Variants in FGF13 observed in about 807,000 individuals in gnomAD.
FGF13 encodes fibroblast growth factor homologous factor 2.
FGF13 carries 2 observed loss-of-function variants against 19.5 expected under a neutral mutation model. The ratio of observed to expected loss-of-function variants is 0.10; its 90% CI spans 0.04 to 0.32. FGF13 has a LOEUF of 0.32. Ranked by LOEUF, FGF13 falls within the 10% of genes least tolerant of loss-of-function variation. The pLI, the probability that FGF13 is intolerant of heterozygous loss-of-function variation, is 1.00. For synonymous variants in FGF13, 72 were observed against 76.9 expected (o/e 0.94, Z 0.33); for missense variants, 113 against 192.7 (o/e 0.59, Z 2.45).
At chrX:138,955,267 A>C (rs1167548596) in intron 1 of FGF13, among the ~76,000 whole-genome samples, 1 of 112,910 alleles carries the variant, frequency 8.9e-6, no homozygotes, top group Non-Finnish European at 1.9e-5. Context: ...CATGTTTCAC[A>C]CAACAGTTAT....
At position 138,622,163 on chromosome X, in the gene FGF13, T is replaced by C. The variant is rs765029256; in HGVS notation, c.*10687A>G. The C allele has an allele frequency of 9.1e-6, 1 of 110,272 alleles. No individual in the cohort carries two copies. The highest frequency in any genetic ancestry group is 2.9e-4 in the East Asian group (1 of 3,484). The allele number at this position is 110,272 out of a possible 1,213,427, so 9.1% of individuals were successfully genotyped here. On this transcript the variant is annotated 3_prime_UTR_variant, in exon 5 of 5. Coordinates refer to ENST00000315930, the MANE Select transcript of FGF13 (RefSeq NM_004114.5). ...AGGACACTACAAGAAAAAAAAGGAA[T>C]ACAGTCCCAAATCCCTGTTGAACAT...
chrX:138,959,766 T>TATTA (rs1310377306), intron 1 of FGF13, among the ~76,000 whole-genome samples: 1 of 111,480 alleles, frequency 9.0e-6, no homozygotes, highest in Non-Finnish European at 1.9e-5. Context: ...ATCCCTTTAC[T>TATTA]ATTATGTAAT....
At chrX:139,131,321 T>A (rs1473614376) in intron 1 of FGF13, among the ~76,000 whole-genome samples, 1 of 111,198 alleles carries the variant, frequency 9.0e-6, no homozygotes, top group Non-Finnish European at 1.9e-5. Context: ...TTAGATCAGC[T>A]GTAAACTGGT....
upstream of FGF13, chrX:139,204,217 G>T (rs987772702): frequency 1.3e-5 from 9 of 715,556 alleles, no homozygotes; most frequent in Middle Eastern, 3.0e-4. Flanking sequence ...AGCTCCCCTC[G>T]GTGTGGTTCG....
At chrX:138,845,220 C>T (rs1197897676) in intron 3 of FGF13, among the ~76,000 whole-genome samples, 5 of 111,585 alleles carry the variant, frequency 4.5e-5, no homozygotes, top group African/African-American at 1.3e-4. Context: ...AGTTCTAAGT[C>T]TGCTTTCCTG....
intron 3 of FGF13, among the ~76,000 whole-genome samples, chrX:138,671,773 T>C (rs1403907735): frequency 2.0e-5 from 2 of 99,610 alleles, no homozygotes; most frequent in African/African-American, 7.6e-5. Context: ...ACATTTAACA[T>C]ATTTAACATG....
intron 3 of FGF13, among the ~76,000 whole-genome samples, chrX:138,684,413 A>G (rs1261612060): frequency 9.0e-6 from 1 of 111,661 alleles, no homozygotes; most frequent in East Asian, 2.8e-4. Flanking sequence ...TATGTGAAAG[A>G]GAAAAATCAC....
intron 1 of FGF13, among the ~76,000 whole-genome samples, chrX:138,959,078 T>C (rs1441590729): frequency 8.9e-6 from 1 of 111,899 alleles, no homozygotes; most frequent in African/African-American, 3.3e-5. Context: ...TAAATGTGTT[T>C]GCTCTTGCTT....
rs1488046944 is a variant in FGF13 at position 138,958,740 on chromosome X, T to C, written c.-112-94090A>G. Among the ~76,000 whole-genome samples the C allele has an allele frequency of 8.1e-5, 9 of 111,749 alleles. No homozygotes were observed. The East Asian group carries it at 1.4e-3, about 18-fold the overall frequency. On this transcript the variant is annotated intron_variant, in intron 1 of 2. Transcript: ENST00000421460. The stretch of plus-strand genomic sequence containing the variant: ...TTCAAGGATTCAACTTCTTCCTGGT[T>C]TAGTCTTGGGAGGGTGTATGTGTCC...
intron 1 of FGF13, among the ~76,000 whole-genome samples, chrX:139,038,114 G>C (rs774080473): frequency 2.9e-4 from 32 of 110,857 alleles, no homozygotes; most frequent in Admixed American, 2.5e-3. Flanking sequence ...TAGCAGTTAT[G>C]TTCCTCTACC....
At chrX:138,685,050 A>G (rs1171799118) in intron 3 of FGF13, among the ~76,000 whole-genome samples, 1 of 112,074 alleles carries the variant, frequency 8.9e-6, no homozygotes, top group Non-Finnish European at 1.9e-5. Context: ...CGAAACTTCA[A>G]TTAAAAGCAG....
intron 2 of FGF13, among the ~76,000 whole-genome samples, chrX:138,704,475 A>G (rs1211616636): frequency 1.8e-5 from 2 of 112,809 alleles, no homozygotes; most frequent in Non-Finnish European, 3.7e-5. Context: ...TATTGAGGAT[A>G]ATAAATCAGT....
intron 1 of FGF13, among the ~76,000 whole-genome samples, chrX:138,938,626 C>A (rs1041797291): frequency 9.0e-6 from 1 of 111,220 alleles, no homozygotes; most frequent in Non-Finnish European, 1.9e-5. Context: ...ATAGTCTCAC[C>A]CATGCCCCCA....
At chrX:138,882,464 CAAAT>C (rs1185666167) in intron 1 of FGF13, among the ~76,000 whole-genome samples, 5 of 111,903 alleles carry the variant, frequency 4.5e-5, no homozygotes, top group Non-Finnish European at 9.4e-5. Flanking sequence ...AGGTTGGAAT[CAAAT>C]AACTTTCTCA....
At chrX:138,733,816 G>A (rs1255263075) in intron 1 of FGF13, among the ~76,000 whole-genome samples, 1 of 110,282 alleles carries the variant, frequency 9.1e-6, no homozygotes, top group African/African-American at 3.3e-5. Context: ...ATGAAGAGGA[G>A]CCAAGAGACT....
Position 138,708,915 on chromosome X carries a change from C to T in FGF13, c.201G>A (p.Lys67=), listed in dbSNP as rs766624454. 13 of 1,180,479 alleles carry T rather than the reference C, an allele frequency of 1.1e-5. No individual in the cohort carries two copies. The South Asian group carries it at 1.5e-4, about 13-fold the overall frequency. ...GGCTGTATAGCTTGGTAACTATACC[C>T]TTAAGCTGAGGCTCTGCAAAGAGAA... ...RRRRRPEPQL[K]GIVTKLYSRQ... The change falls in exon 2 of 5, where the codon AAG becomes AAA. Residue 67 remains lysine, a synonymous_variant. Coordinates refer to ENST00000315930, the MANE Select transcript of FGF13 (RefSeq NM_004114.5).
intron 1 of FGF13, among the ~76,000 whole-genome samples, chrX:138,961,329 A>G (rs1262870817): frequency 1.8e-5 from 2 of 111,534 alleles, no homozygotes; most frequent in African/African-American, 6.5e-5. Context: ...TTGCCTAGGT[A>G]TCACCAGCGG....
intron 3 of FGF13, among the ~76,000 whole-genome samples, chrX:138,830,687 T>TTGTCTGTG (rs1199806084): frequency 4.6e-5 from 4 of 87,518 alleles, no homozygotes; most frequent in African/African-American, 1.7e-4. Flanking sequence ...AAAGGGGTGT[T>TTGTCTGTG]TGTGTGTGTG....
intron 3 of FGF13, among the ~76,000 whole-genome samples, chrX:138,677,845 C>G (rs1231715251): frequency 8.9e-6 from 1 of 112,028 alleles, no homozygotes; most frequent in Non-Finnish European, 1.9e-5. Flanking sequence ...ACCCAAAGGA[C>G]TATAAATCAT....
Sources: allele counts gnomAD v4.1 joint callset (sites outside exome capture counted in the v4.1 genomes callset), GRCh38; gene constraint gnomAD v4.1.1; transcripts MANE v1.5; gene names NCBI Gene and HGNC (gene_info 2026-07-23, HGNC 2026-07-21).